ANK3: variants seen among roughly 807,000 people sequenced by gnomAD.
ANK3 encodes the protein ankyrin-3.
ANK3 carries 57 observed loss-of-function variants against 370.9 expected under a neutral mutation model. The observed-to-expected ratio is 0.15, with a 90% CI of 0.12 to 0.19. The LOEUF (loss-of-function observed/expected upper bound fraction) is 0.19. Ranked by LOEUF, ANK3 falls within the 10% of genes least tolerant of loss-of-function variation. ANK3 has a pLI of 1.00. For synonymous variants in ANK3, 1,929 were observed against 1,946.3 expected (o/e 0.99, Z 0.23); for missense variants, 4,439 against 5,302.1 (o/e 0.84, Z 5.06).
At chr10:60,644,539 TG>T (rs1275002914) in intron 1 of ANK3, among the ~76,000 whole-genome samples, 1 of 151,714 alleles carries the variant, frequency 6.6e-6, no homozygotes, top group Non-Finnish European at 1.5e-5. Flanking sequence ...ATTTTTCTAT[TG>T]GAAAAAAAAT....
chr10:60,066,602 G>A (rs1233960887), intron 38 of ANK3, among the ~76,000 whole-genome samples: 1 of 151,876 alleles, frequency 6.6e-6, no homozygotes, highest in Non-Finnish European at 1.5e-5. Flanking sequence ...AGTGGTGGTG[G>A]GGGTGGACGG....
At position 60,305,195 on chromosome 10, in the gene ANK3, T is replaced by C. The variant is rs556536813; in HGVS notation, c.115-25556A>G. ...ACACCCCAAGCTCAGCTAACTTCCCTGAAGCTGCAGATTTTGTTCTGATGA... is the reference window on the plus strand; with the variant it reads ...ACACCCCAAGCTCAGCTAACTTCCCCGAAGCTGCAGATTTTGTTCTGATGA... On this transcript the variant is annotated intron_variant, in intron 1 of 43. Transcript: ENST00000280772. Among the ~76,000 whole-genome samples, 20 of 152,292 alleles carry C rather than the reference T, an allele frequency of 1.3e-4. 1 individual carries two copies. The highest frequency in any genetic ancestry group is 4.8e-4 in the African/African-American group (20 of 41,562).
intron 9 of ANK3, 135 bp from the exon 10 acceptor site, chr10:60,208,368 G>C (rs1302665310): frequency 1.3e-6 from 1 of 774,158 alleles, no homozygotes; most frequent in Admixed American, 2.6e-5. Flanking sequence ...AAAAGCTTTT[G>C]ACAACTATTT....
chr10:60,348,644 C>A (rs2056218381), intron 1 of ANK3, among the ~76,000 whole-genome samples: 1 of 152,128 alleles, frequency 6.6e-6, no homozygotes, highest in South Asian at 2.1e-4. Flanking sequence ...TAGAGTAAAG[C>A]CCTTGTATTT....
chr10:60,069,388 C>A lies in ANK3; in HGVS notation c.11493G>T (p.Lys3831Asn), dbSNP rs745784331. 3.1e-6 allele frequency: 5 copies of A among 1,613,546 alleles called. No homozygotes were observed. In the South Asian group the frequency reaches 5.5e-5, roughly 18 times the overall value. Residue 3831 changes from lysine to asparagine, a missense_variant, in exon 37 of 44, where the codon AAG becomes AAT. By Grantham distance (94) the Lys-to-Asn change is moderately conservative. This residue lies in a region of ANK3 where 496 missense variants were observed against 529.3 expected (regional missense o/e 0.94). Transcript: ENST00000280772. ...DNPVKVSSGKKTGVLQGHCVR... is the reference protein window; with the variant it reads ...DNPVKVSSGKNTGVLQGHCVR... Reference sequence around the variant, plus strand: ...CACAGTGTCCTTGTAGTACCCCTGTCTTTTTTCCTGATGAGACTTTCACTG... The same window carrying A: ...CACAGTGTCCTTGTAGTACCCCTGTATTTTTTCCTGATGAGACTTTCACTG...
chr10:60,285,246 C>T (rs2098226891), intron 1 of ANK3, among the ~76,000 whole-genome samples: 1 of 152,110 alleles, frequency 6.6e-6, no homozygotes, highest in Admixed American at 6.5e-5. Flanking sequence ...AGGTAATTAA[C>T]AATGTGAGTG....
intron 1 of ANK3, among the ~76,000 whole-genome samples, chr10:60,348,235 C>T (rs74899757): frequency 6.6e-6 from 1 of 151,712 alleles, no homozygotes; most frequent in Non-Finnish European, 1.5e-5. Context: ...TCTTTGAAAC[C>T]CCAGCCAGCC....
chr10:60,667,466 A>G (rs2079013200), intron 1 of ANK3, among the ~76,000 whole-genome samples: 1 of 152,154 alleles, frequency 6.6e-6, no homozygotes, highest in Admixed American at 6.5e-5. Flanking sequence ...GATTCTTACC[A>G]CTGTTTGAGT....
At chr10:60,051,239 T>G (rs1353243578) in intron 42 of ANK3, among the ~76,000 whole-genome samples, 1 of 151,932 alleles carries the variant, frequency 6.6e-6, no homozygotes, top group Admixed American at 6.6e-5. Flanking sequence ...AATTCTCAAA[T>G]AAAACTACAA....
intron 1 of ANK3, among the ~76,000 whole-genome samples, chr10:60,331,808 A>C (rs2132940987): frequency 6.6e-6 from 1 of 152,306 alleles, no homozygotes; most frequent in South Asian, 2.1e-4. Flanking sequence ...ACACCTATTA[A>C]TTTATTGCAA....
At chr10:60,262,094 C>T (rs373854016) in intron 6 of ANK3, 137 bp from the exon 7 acceptor site, 11 of 676,820 alleles carry the variant, frequency 1.6e-5, no homozygotes, top group East Asian at 2.8e-5. Flanking sequence ...TACTAGGTTT[C>T]GATCAGTGCC....
At chr10:60,448,649 C>T (rs542057611) in intron 2 of ANK3, among the ~76,000 whole-genome samples, 6 of 152,326 alleles carry the variant, frequency 3.9e-5, no homozygotes, top group South Asian at 2.1e-4. Flanking sequence ...CAGTTTAGAG[C>T]GACTCCCCAG....
chr10:60,109,883 C>T (rs1210637656), intron 26 of ANK3, among the ~76,000 whole-genome samples: 1 of 152,198 alleles, frequency 6.6e-6, no homozygotes, highest in Non-Finnish European at 1.5e-5. Context: ...ATCACATATG[C>T]ATGGTCCCAC....
At chr10:60,100,910 T>C (rs2091163736) in intron 28 of ANK3, among the ~76,000 whole-genome samples, 1 of 152,234 alleles carries the variant, frequency 6.6e-6, no homozygotes, top group South Asian at 2.1e-4. Flanking sequence ...TTAAATTTCC[T>C]ATAGCCACAC....
intron 17 of ANK3, among the ~76,000 whole-genome samples, chr10:60,181,746 C>A (rs1172717954): frequency 6.6e-6 from 1 of 151,854 alleles, no homozygotes; most frequent in Non-Finnish European, 1.5e-5. Flanking sequence ...GTGGAGGTTG[C>A]AGTGAGTTGA....
At chr10:60,722,520 T>C (rs1187746444) in intron 1 of ANK3, among the ~76,000 whole-genome samples, 2 of 152,150 alleles carry the variant, frequency 1.3e-5, no homozygotes, top group South Asian at 4.1e-4. Context: ...CCAAATCTCT[T>C]AAGATGTCAA....
At chr10:60,108,151 T>A (rs1223646465) in intron 27 of ANK3, 69 of 385,996 alleles carry the variant, frequency 1.8e-4, no homozygotes, top group Middle Eastern at 3.6e-4. Context: ...AAAAAAAAAA[T>A]TGTAGACATT....
intron 1 of ANK3, among the ~76,000 whole-genome samples, chr10:60,303,220 A>G (rs1288820124): frequency 2.0e-5 from 3 of 152,204 alleles, no homozygotes; most frequent in East Asian, 1.9e-4. Flanking sequence ...GACTACATCA[A>G]ACTAAAAAGC....
chr10:60,215,280 T>A (rs565856397), intron 8 of ANK3, among the ~76,000 whole-genome samples: 1 of 152,276 alleles, frequency 6.6e-6, no homozygotes, highest in East Asian at 1.9e-4. Flanking sequence ...ATGGGTAGAC[T>A]GCAAAAATTT....
Sources: gnomAD v4.1 joint callset for allele counts (sites outside exome capture counted in the v4.1 genomes callset) on GRCh38, gnomAD v4.1.1 for gene constraint, gnomAD v4.1.1 regional missense constraint, MANE v1.5 for transcripts, NCBI Gene and HGNC (gene_info 2026-07-23, HGNC 2026-07-21) for gene names.